The following LOC128462377 variants were observed in gnomAD, a reference collection of about 807,000 sequenced individuals.
the LOC128462377 span, among the ~76,000 whole-genome samples, chr16:89,402,893 C>T: frequency 6.6e-6 from 1 of 151,996 alleles, no homozygotes. Flanking sequence ...GGGGAAGGAG[C>T]CCCATCAGGG....
chr16:89,360,726 G>A, the LOC128462377 span: 1 of 152,228 alleles, frequency 6.6e-6, no homozygotes, highest in Admixed American at 6.5e-5. Context: ...AACTCCAGGT[G>A]TGTGTGTCTG....
chr16:89,326,948 G>C, the LOC128462377 span, among the ~76,000 whole-genome samples: 1 of 152,210 alleles, frequency 6.6e-6, no homozygotes, highest in Non-Finnish European at 1.5e-5. Context: ...CGGAGACGCA[G>C]AGAAAAGCAG....
At chr16:89,407,668 TACACACACACAC>T in the LOC128462377 span, among the ~76,000 whole-genome samples, 3 of 150,704 alleles carry the variant, frequency 2.0e-5, no homozygotes, top group African/African-American at 7.3e-5. Flanking sequence ...CAAACACACA[TACACACACACAC>T]ACACATAGAC....
chr16:89,330,376 G>A, the LOC128462377 span, among the ~76,000 whole-genome samples: 2 of 152,108 alleles, frequency 1.3e-5, no homozygotes, highest in Non-Finnish European at 2.9e-5. Context: ...CAGTGGAGAG[G>A]GAGGGGCTGC....
At chr16:89,329,686 T>C in the LOC128462377 span, among the ~76,000 whole-genome samples, 1 of 152,208 alleles carries the variant, frequency 6.6e-6, no homozygotes, top group Non-Finnish European at 1.5e-5. Flanking sequence ...TTTTGTGTAT[T>C]TGGCTTTGGA....
At chr16:89,327,886 C>T in the LOC128462377 span, among the ~76,000 whole-genome samples, 1 of 152,098 alleles carries the variant, frequency 6.6e-6, no homozygotes, top group African/African-American at 2.4e-5. Context: ...AACTGATAAA[C>T]GACCTCGACA....
chr16:89,412,010 G>A, the LOC128462377 span, among the ~76,000 whole-genome samples: 3 of 98,020 alleles, frequency 3.1e-5, no homozygotes, highest in Admixed American at 1.1e-4. Flanking sequence ...TCTCCTGGCC[G>A]TGCCCCATCC....
At chr16:89,405,402 T>C in the LOC128462377 span, among the ~76,000 whole-genome samples, 1 of 151,760 alleles carries the variant, frequency 6.6e-6, no homozygotes, top group African/African-American at 2.4e-5. Context: ...GAGCTCACCG[T>C]AGCCTCGACC....
chr16:89,373,667 G>T, the LOC128462377 span, among the ~76,000 whole-genome samples: 17 of 152,210 alleles, frequency 1.1e-4, no homozygotes, highest in Non-Finnish European at 1.8e-4. Context: ...AAAACATCAT[G>T]TAACTCTCGC....
At chr16:89,339,105 C>A in the LOC128462377 span, among the ~76,000 whole-genome samples, 1 of 152,102 alleles carries the variant, frequency 6.6e-6, no homozygotes, top group Non-Finnish European at 1.5e-5. Context: ...AGCGTTGCAC[C>A]CCCAGGATCC....
the LOC128462377 span, among the ~76,000 whole-genome samples, chr16:89,358,888 C>T: frequency 5.3e-5 from 8 of 152,016 alleles, no homozygotes; most frequent in Non-Finnish European, 1.0e-4. Flanking sequence ...CGCAGTGGTG[C>T]GATCATGGCT....
the LOC128462377 span, among the ~76,000 whole-genome samples, chr16:89,360,184 T>C: frequency 3.9e-5 from 6 of 152,244 alleles, no homozygotes; most frequent in African/African-American, 1.4e-4. Flanking sequence ...TGAGTTAGTT[T>C]GCTGAGGCTA....
chr16:89,369,913 A>T, the LOC128462377 span, among the ~76,000 whole-genome samples: 567 of 152,302 alleles, frequency 3.7e-3, 2 homozygotes, highest in African/African-American at 0.013. Flanking sequence ...GTTATCTCAG[A>T]AGAAAACAAA....
chr16:89,336,072 T>C, the LOC128462377 span, among the ~76,000 whole-genome samples: 1 of 152,234 alleles, frequency 6.6e-6, no homozygotes, highest in East Asian at 1.9e-4. Context: ...GCCAGTTGGT[T>C]TGAAAAAGCT....
the LOC128462377 span, chr16:89,360,860 C>T: frequency 2.6e-5 from 4 of 152,376 alleles, no homozygotes; most frequent in Non-Finnish European, 1.5e-5. Flanking sequence ...CTGCATGAAG[C>T]CTCTCTGCAT....
At chr16:89,330,741 C>G in the LOC128462377 span, among the ~76,000 whole-genome samples, 1 of 142,708 alleles carries the variant, frequency 7.0e-6, no homozygotes, top group African/African-American at 2.6e-5. Flanking sequence ...CCACCTCATC[C>G]TGTTCCTCCT....
the LOC128462377 span, among the ~76,000 whole-genome samples, chr16:89,398,505 C>G: frequency 2.0e-5 from 3 of 152,234 alleles, no homozygotes; most frequent in African/African-American, 7.2e-5. Context: ...CTGCTTGAGC[C>G]CAGGAGTGTG....
chr16:89,413,604 G>A, the LOC128462377 span, among the ~76,000 whole-genome samples: 1 of 152,136 alleles, frequency 6.6e-6, no homozygotes, highest in Non-Finnish European at 1.5e-5. Context: ...CAGCCTGGGC[G>A]ACAGCCAGAC....
At chr16:89,350,365 C>T in the LOC128462377 span, among the ~76,000 whole-genome samples, 1 of 152,168 alleles carries the variant, frequency 6.6e-6, no homozygotes, top group East Asian at 1.9e-4. Flanking sequence ...GCTTTGCATG[C>T]AACTACTCAT....
Sources: gnomAD v4.1 joint callset for allele counts (sites outside exome capture counted in the v4.1 genomes callset) on GRCh38, gnomAD v4.1.1 for gene constraint, MANE v1.5 for transcripts.